Variants in PUDP observed in about 807,000 individuals in gnomAD.
The protein encoded by PUDP is pseudouridine 5'-phosphatase.
PUDP carries 8 observed loss-of-function variants against 9.4 expected under a neutral mutation model. The ratio of observed to expected loss-of-function variants is 0.85; its 90% CI spans 0.50 to 1.53. The LOEUF (loss-of-function observed/expected upper bound fraction) is 1.53, where lower values mean the gene tolerates loss of function less well. PUDP is among the 40% of genes most tolerant of loss of function. PUDP has a pLI of 0.00. For missense variants in PUDP, 188 were observed against 189.7 expected (o/e 0.99, Z 0.05); for synonymous variants, 99 against 80.7 (o/e 1.23, Z -1.22).
At chrX:7,025,597 G>T (rs1223250586) in intron 1 of PUDP, among the ~76,000 whole-genome samples, 2 of 111,719 alleles carry the variant, frequency 1.8e-5, no homozygotes, top group African/African-American at 6.5e-5. Flanking sequence ...GGTGAACAGG[G>T]TACCTTGCAG....
In PUDP at chrX:7,105,711, G is replaced by A. The variant is rs982260836; in HGVS notation, c.189C>T (p.Asp63=). 87 of 1,207,161 alleles carry A rather than the reference G, an allele frequency of 7.2e-5. 1 individual carries two copies. Among genetic ancestry groups the A allele is most frequent in the Non-Finnish European group, 9.7e-5 (87 of 893,326 alleles). ...KALEAAQIII[D]VLQLPMSKEE... is the part of the protein sequence containing the mutation. ...CTTTGGACATCGGGAGCTGCAAGAC[G>A]TCTATTATAATCTGTGCCGCCTCTA... is the stretch of plus-strand genomic sequence containing the variant. Residue 63 remains aspartate, a synonymous_variant, in exon 2 of 4, where the codon GAC becomes GAT. Coordinates refer to ENST00000381077, the MANE Select transcript of PUDP (RefSeq NM_012080.5).
chrX:7,036,948 A>G (rs1401295719), intron 1 of PUDP, among the ~76,000 whole-genome samples: 1 of 112,239 alleles, frequency 8.9e-6, no homozygotes, highest in Non-Finnish European at 1.9e-5. Flanking sequence ...TTGATTCCTT[A>G]GAAATAACTT....
At chrX:6,813,727 T>C (rs924363600) in intron 3 of PUDP, among the ~76,000 whole-genome samples, 3 of 111,378 alleles carry the variant, frequency 2.7e-5, no homozygotes, top group African/African-American at 6.5e-5. Context: ...ACAGATCAGA[T>C]GATGGGGGGT....
chrX:6,837,891 C>CAAAAAAAAA (rs60159618), intron 3 of PUDP, among the ~76,000 whole-genome samples: 1 of 98,949 alleles, frequency 1.0e-5, no homozygotes. Flanking sequence ...CTATTTCTAC[C>CAAAAAAAAA]AAAAAAAAAA....
chrX:6,756,051 G>A (rs1209730943), intron 3 of PUDP, among the ~76,000 whole-genome samples: 1 of 110,754 alleles, frequency 9.0e-6, no homozygotes, highest in Non-Finnish European at 1.9e-5. Context: ...GCAACATGGA[G>A]GTTACTGGTA....
At chrX:7,140,782 G>T (rs1932787420) in intron 1 of PUDP, among the ~76,000 whole-genome samples, 1 of 111,600 alleles carries the variant, frequency 9.0e-6, no homozygotes, top group African/African-American at 3.3e-5. Context: ...AAGGTTTTTG[G>T]CAACCCTGCG....
chrX:6,910,882 C>T (rs1927838717), intron 3 of PUDP, among the ~76,000 whole-genome samples: 1 of 111,749 alleles, frequency 8.9e-6, no homozygotes, highest in South Asian at 3.8e-4. Flanking sequence ...CTCCCTGGTT[C>T]ATAGATGGTG....
At chrX:7,019,326 G>A (rs996934926) in intron 1 of PUDP, among the ~76,000 whole-genome samples, 1 of 112,062 alleles carries the variant, frequency 8.9e-6, no homozygotes, top group Non-Finnish European at 1.9e-5. Context: ...TTATCAGGAT[G>A]AAGAAAATAA....
chrX:6,750,939 A>G (rs1021210258), intron 3 of PUDP, among the ~76,000 whole-genome samples: 1 of 110,913 alleles, frequency 9.0e-6, no homozygotes, highest in Non-Finnish European at 1.9e-5. Flanking sequence ...GGAGATGGAG[A>G]CCATCCTGGC....
intron 3 of PUDP, among the ~76,000 whole-genome samples, chrX:6,970,123 A>C (rs1050143681): frequency 8.9e-6 from 1 of 112,235 alleles, no homozygotes; most frequent in Non-Finnish European, 1.9e-5. Context: ...ATGTGTATAC[A>C]CGGGAGGCTT....
intron 3 of PUDP, among the ~76,000 whole-genome samples, chrX:6,968,822 G>A (rs1461354511): frequency 1.8e-5 from 2 of 111,160 alleles, no homozygotes; most frequent in African/African-American, 3.3e-5. Context: ...GTTTCACTAC[G>A]TTGGCCAGGC....
intron 3 of PUDP, among the ~76,000 whole-genome samples, chrX:6,833,349 A>G (rs1416405656): frequency 9.0e-6 from 1 of 111,064 alleles, no homozygotes; most frequent in African/African-American, 3.3e-5. Flanking sequence ...AGATGGGAAG[A>G]TCGGTGGGTA....
chrX:6,860,780 T>C (rs1282297804), intron 3 of PUDP, among the ~76,000 whole-genome samples: 1 of 112,563 alleles, frequency 8.9e-6, no homozygotes, highest in African/African-American at 3.2e-5. Flanking sequence ...CCAGCCCATG[T>C]TCTTAACACT....
At chrX:7,010,669 T>C (rs921773788) in intron 1 of PUDP, among the ~76,000 whole-genome samples, 2 of 111,734 alleles carry the variant, frequency 1.8e-5, no homozygotes, top group African/African-American at 3.3e-5. Flanking sequence ...CTATAAAAGA[T>C]ACCCATGCTG....
At chrX:7,055,523 T>C (rs1052682132) in intron 3 of PUDP, among the ~76,000 whole-genome samples, 3 of 111,641 alleles carry the variant, frequency 2.7e-5, no homozygotes, top group Non-Finnish European at 5.6e-5. Flanking sequence ...CTCAGAGTGC[T>C]GGGATTACAG....
At chrX:7,087,815 C>G (rs1931308347) in intron 2 of PUDP, among the ~76,000 whole-genome samples, 2 of 112,413 alleles carry the variant, frequency 1.8e-5, no homozygotes, top group East Asian at 2.8e-4. Context: ...AGGCGATGAG[C>G]ATCCGACTGC....
chrX:6,948,611 T>C (rs7052149), intron 3 of PUDP, among the ~76,000 whole-genome samples: 1,990 of 111,893 alleles, frequency 0.018, 43 homozygotes, highest in African/African-American at 0.062. Context: ...ACGCTATTGG[T>C]CCCAGACTGT....
At chrX:7,127,622 C>T (rs1932517115) in intron 1 of PUDP, among the ~76,000 whole-genome samples, 1 of 112,529 alleles carries the variant, frequency 8.9e-6, no homozygotes, top group African/African-American at 3.2e-5. Context: ...ACTCCCAAAT[C>T]ATTTAGAGGG....
At position 6,767,543 on chromosome X, in the gene PUDP, C is replaced by T. The variant is rs990920487; in HGVS notation, c.*248-61077G>A. 4.4e-5 allele frequency among the ~76,000 whole-genome samples: 5 copies of T among 112,417 alleles called. No individual in the cohort carries two copies. In the East Asian group the frequency reaches 1.1e-3, roughly 25 times the overall value. Reference sequence around the variant, plus strand: ...TGAAGACTTAGGCTTGATGCCAGTTCGCCCTTCATAGCAGGTATCCTTTGC... The same window carrying T: ...TGAAGACTTAGGCTTGATGCCAGTTTGCCCTTCATAGCAGGTATCCTTTGC... On this transcript the variant is annotated intron_variant and NMD_transcript_variant, in intron 3 of 3. Coordinates refer to the PUDP transcript ENST00000655425.
Sources: gnomAD v4.1 joint callset for allele counts (sites outside exome capture counted in the v4.1 genomes callset) on GRCh38, gnomAD v4.1.1 for gene constraint, MANE v1.5 for transcripts, NCBI Gene and HGNC (gene_info 2026-07-23, HGNC 2026-07-21) for gene names.